DGKB: variants seen among roughly 807,000 people sequenced by gnomAD.
DGKB encodes 90 kDa diacylglycerol kinase.
In DGKB, 67 loss-of-function variants were observed where a neutral mutation model predicts 114.3. The observed-to-expected ratio is 0.59, with a 90% confidence interval of 0.48 to 0.72. The LOEUF is 0.72. Among genes scored for constraint, DGKB ranks in the 30% least tolerant of loss-of-function variants. The probability of loss-of-function intolerance (pLI) is 0.00; values close to 1 mark genes in which losing one functional copy is unlikely to be tolerated. For synonymous variants in DGKB, 398 were observed against 323.1 expected, an observed-to-expected ratio of 1.23 and a Z score of -2.49; for missense variants, 907 against 975.2, an observed-to-expected ratio of 0.93 and a Z score of 0.93.
chr7:14,880,144 G>A (rs1484046379), intron 1 of DGKB, among the ~76,000 whole-genome samples: 1 of 152,142 alleles, frequency 6.6e-6, no homozygotes, highest in Non-Finnish European at 1.5e-5. Flanking sequence ...GAGGTAGTGA[G>A]TCAGGAAAGG....
rs181584420 is a variant in DGKB at position 14,369,659 on chromosome 7, C to A, written c.1836-24268G>T. The stretch of plus-strand genomic sequence containing the variant: ...CCCATTGTGGTTTTGATTTGCATTT[C>A]TGTAATGACCAGTGATGATTATCTT... On this transcript the variant is annotated intron_variant, in intron 21 of 25. Coordinates refer to ENST00000402815, the MANE Select transcript of DGKB (RefSeq NM_001350709.2). 2.0e-5 allele frequency among the ~76,000 whole-genome samples: 3 copies of A among 152,300 alleles called. No individual in the cohort carries two copies. The East Asian group carries it at 5.8e-4, about 29-fold the overall frequency.
chr7:14,176,617 T>A, intron 25 of DGKB: 1 of 1,270,892 alleles, frequency 7.9e-7, no homozygotes, highest in Non-Finnish European at 1.0e-6. Context: ...CTATTTATAC[T>A]TAGGCTAACA....
chr7:14,364,127 T>C (rs757414692), intron 21 of DGKB, among the ~76,000 whole-genome samples: 1 of 152,016 alleles, frequency 6.6e-6, no homozygotes. Flanking sequence ...GACACTACTA[T>C]TATTCTCATA....
intron 20 of DGKB, among the ~76,000 whole-genome samples, chr7:14,519,816 C>T (rs988292710): frequency 6.6e-6 from 1 of 151,876 alleles, no homozygotes; most frequent in East Asian, 1.9e-4. Context: ...ATGTTGATCA[C>T]ATCTTCATTT....
At chr7:14,470,576 G>A (rs188193806) in intron 21 of DGKB, among the ~76,000 whole-genome samples, 22 of 151,846 alleles carry the variant, frequency 1.4e-4, no homozygotes, top group Admixed American at 4.6e-4. Context: ...AAAGTTTAAA[G>A]TGAAAGAAAA....
At chr7:14,681,050 AT>A (rs1820738379) in intron 12 of DGKB, among the ~76,000 whole-genome samples, 1 of 151,998 alleles carries the variant, frequency 6.6e-6, no homozygotes, top group Non-Finnish European at 1.5e-5. Flanking sequence ...TATGAAAAAA[AT>A]AAGAGGAAGC....
intron 23 of DGKB, among the ~76,000 whole-genome samples, chr7:14,282,416 C>T (rs1429465537): frequency 1.0e-4 from 15 of 143,584 alleles, no homozygotes; most frequent in African/African-American, 3.1e-4. Flanking sequence ...GATTCACAGC[C>T]GAATTCTACC....
chr7:14,562,101 A>C (rs1263483184), intron 20 of DGKB, among the ~76,000 whole-genome samples: 1 of 152,216 alleles, frequency 6.6e-6, no homozygotes, highest in Non-Finnish European at 1.5e-5. Context: ...GGTACAGCTC[A>C]GAATGTGGTT....
intron 4 of DGKB, among the ~76,000 whole-genome samples, chr7:14,744,438 T>C (rs969884153): frequency 6.6e-6 from 1 of 152,162 alleles, no homozygotes; most frequent in Non-Finnish European, 1.5e-5. Flanking sequence ...ACAGTCCTCA[T>C]ACAGGGTTCC....
intron 20 of DGKB, among the ~76,000 whole-genome samples, chr7:14,546,848 T>G (rs905277183): frequency 6.6e-6 from 1 of 152,184 alleles, no homozygotes. Flanking sequence ...TAGTCTCATT[T>G]CAGTTTAAAG....
At chr7:14,888,876 C>G (rs1780734251) in intron 1 of DGKB, among the ~76,000 whole-genome samples, 1 of 151,668 alleles carries the variant, frequency 6.6e-6, no homozygotes, top group Non-Finnish European at 1.5e-5. Flanking sequence ...GTAATATTTC[C>G]TGGCCTGTCA....
At chr7:14,660,867 T>A (rs1189598460) in intron 13 of DGKB, among the ~76,000 whole-genome samples, 1 of 151,918 alleles carries the variant, frequency 6.6e-6, no homozygotes, top group Non-Finnish European at 1.5e-5. Flanking sequence ...TATAGATCAA[T>A]GGAACAGAAC....
intron 23 of DGKB, among the ~76,000 whole-genome samples, chr7:14,272,967 T>C (rs1244632804): frequency 6.6e-6 from 1 of 152,190 alleles, no homozygotes; most frequent in Non-Finnish European, 1.5e-5. Context: ...ATGCACCTAA[T>C]AATATCTGAT....
At chr7:14,192,325 C>T (rs111964207) in intron 23 of DGKB, among the ~76,000 whole-genome samples, 2 of 152,190 alleles carry the variant, frequency 1.3e-5, no homozygotes, top group East Asian at 1.9e-4. Flanking sequence ...TAATAGTGAA[C>T]TCGCTGAAAA....
intron 23 of DGKB, among the ~76,000 whole-genome samples, chr7:14,299,994 G>A (rs925755025): frequency 1.3e-5 from 2 of 151,940 alleles, no homozygotes; most frequent in African/African-American, 2.4e-5. Context: ...TCTATAACAC[G>A]GGATAGATGG....
chr7:14,209,369 C>T, intron 23 of DGKB: 2 of 455,352 alleles, frequency 4.4e-6, no homozygotes, highest in South Asian at 3.2e-5. Flanking sequence ...TGGAAAGATA[C>T]AGACACTGCT....
chr7:14,483,162 C>G (rs1040034507), intron 20 of DGKB, among the ~76,000 whole-genome samples: 9 of 152,004 alleles, frequency 5.9e-5, no homozygotes, highest in African/African-American at 1.7e-4. Flanking sequence ...ATAACTGGAA[C>G]CTGGTAACTT....
At chr7:14,599,452 A>T (rs1803159120) in intron 17 of DGKB, among the ~76,000 whole-genome samples, 1 of 152,108 alleles carries the variant, frequency 6.6e-6, no homozygotes, top group Non-Finnish European at 1.5e-5. Context: ...TTATGCTTTT[A>T]TGCTTGCTGC....
At chr7:14,723,012 T>TATTTATTTATTTATTTATTC (rs1250763186) in intron 5 of DGKB, among the ~76,000 whole-genome samples, 7 of 150,812 alleles carry the variant, frequency 4.6e-5, no homozygotes, top group African/African-American at 1.5e-4. Context: ...TTTATTTATT[T>TATTTATTTATTTATTTATTC]ATTTATTTAT....
Sources: allele counts gnomAD v4.1 joint callset (sites outside exome capture counted in the v4.1 genomes callset), GRCh38; gene constraint gnomAD v4.1.1; transcripts MANE v1.5; gene names NCBI Gene and HGNC (gene_info 2026-07-23, HGNC 2026-07-21).